The following PTPRR variants were observed in gnomAD, a reference collection of about 807,000 sequenced individuals.
PTPRR encodes receptor-type tyrosine-protein phosphatase R.
In PTPRR, 38 loss-of-function variants were observed where a neutral mutation model predicts 77.2. That is an observed-to-expected ratio of 0.49 (90% CI 0.38 to 0.65). The LOEUF (loss-of-function observed/expected upper bound fraction) is 0.65, where lower values mean the gene tolerates loss of function less well. PTPRR is among the 30% of genes least tolerant of loss of function. PTPRR has a pLI of 0.00. For synonymous variants in PTPRR, 299 were observed against 283.1 expected, an observed-to-expected ratio of 1.06 and a Z score of -0.57; for missense variants, 744 against 799.2, an observed-to-expected ratio of 0.93 and a Z score of 0.83.
At chr12:70,681,952 G>A (rs1887678676) in intron 10 of PTPRR, among the ~76,000 whole-genome samples, 1 of 147,850 alleles carries the variant, frequency 6.8e-6, no homozygotes, top group East Asian at 2.0e-4. Flanking sequence ...GAGCCTTTTC[G>A]TTTATACCAT....
intron 2 of PTPRR, among the ~76,000 whole-genome samples, chr12:70,821,212 G>GTTTT (rs1252907478): frequency 9.0e-5 from 4 of 44,568 alleles, no homozygotes; most frequent in Non-Finnish European, 2.1e-4. Context: ...AGGGATCACT[G>GTTTT]CTTTTTTTTT....
intron 2 of PTPRR, among the ~76,000 whole-genome samples, chr12:70,823,458 A>T (rs61932484): frequency 6.6e-6 from 1 of 152,220 alleles, no homozygotes; most frequent in African/African-American, 2.4e-5. Flanking sequence ...TCGAATTCTG[A>T]AACAGTGTCA....
chr12:70,842,986 A>G (rs1892422166), intron 2 of PTPRR, among the ~76,000 whole-genome samples: 2 of 152,234 alleles, frequency 1.3e-5, no homozygotes, highest in African/African-American at 4.8e-5. Flanking sequence ...CTACTTAGAT[A>G]TCTTAAGAAG....
At chr12:70,773,521 G>C (rs894818276) in intron 2 of PTPRR, among the ~76,000 whole-genome samples, 2 of 152,152 alleles carry the variant, frequency 1.3e-5, no homozygotes, top group African/African-American at 4.8e-5. Flanking sequence ...GGCTGGGAAG[G>C]TCCATTAGAA....
chr12:70,686,524 G>A (rs1295375064), intron 8 of PTPRR, among the ~76,000 whole-genome samples: 1 of 152,146 alleles, frequency 6.6e-6, no homozygotes, highest in East Asian at 1.9e-4. Context: ...CTCTCATCTT[G>A]AATGTGGGCA....
At chr12:70,651,826 G>A (rs1566043512) in intron 13 of PTPRR, among the ~76,000 whole-genome samples, 1 of 151,828 alleles carries the variant, frequency 6.6e-6, no homozygotes, top group East Asian at 1.9e-4. Context: ...GATTCCAATA[G>A]GTCCATTTTG....
At chr12:70,863,856 C>A (rs1042051969) in intron 2 of PTPRR, among the ~76,000 whole-genome samples, 4 of 152,122 alleles carry the variant, frequency 2.6e-5, no homozygotes, top group African/African-American at 9.7e-5. Flanking sequence ...GTGCCCAAAG[C>A]GAAACTCTTG....
intron 2 of PTPRR, among the ~76,000 whole-genome samples, chr12:70,829,072 G>A (rs1892165746): frequency 6.6e-6 from 1 of 151,910 alleles, no homozygotes; most frequent in African/African-American, 2.4e-5. Context: ...ACATGCATAG[G>A]GAACTATGGA....
intron 2 of PTPRR, among the ~76,000 whole-genome samples, chr12:70,767,996 C>T (rs1310547470): frequency 6.6e-6 from 1 of 152,038 alleles, no homozygotes; most frequent in Non-Finnish European, 1.5e-5. Flanking sequence ...ACCAGAATCT[C>T]TGGGACACAT....
At chr12:70,811,454 C>A (rs2137031033) in intron 2 of PTPRR, among the ~76,000 whole-genome samples, 1 of 152,226 alleles carries the variant, frequency 6.6e-6, no homozygotes, top group South Asian at 2.1e-4. Context: ...AAACTGCCTG[C>A]AAAAGGTTCA....
In PTPRR at chr12:70,761,527, T is replaced by C. The variant is rs1454590364; in HGVS notation, c.571A>G (p.Ile191Val). ...GATAAACTTTGATGCAAAACATTGA[T>C]ATTAAGTGAACGAAGAACTTCCTCA... ...PSEEVLRSLN[I>V]NVLHQSLSQF... Residue 191 changes from isoleucine (I) to valine (V), a missense_variant, in exon 4 of 14, where the codon ATC becomes GTC. By Grantham distance (29) the Ile-to-Val change is conservative. This residue lies in a region of PTPRR where 570 missense variants were observed against 573.2 expected (regional missense o/e 0.99). Coordinates refer to ENST00000283228, the MANE Select transcript of PTPRR (RefSeq NM_002849.4). 4 of 1,612,368 alleles carry C rather than the reference T, an allele frequency of 2.5e-6. No individual in the cohort carries two copies. The highest frequency in any genetic ancestry group is 1.1e-5 in the South Asian group (1 of 90,706).
At chr12:70,834,083 C>T (rs745908517) in intron 2 of PTPRR, among the ~76,000 whole-genome samples, 9 of 152,108 alleles carry the variant, frequency 5.9e-5, no homozygotes, top group Non-Finnish European at 1.2e-4. Flanking sequence ...CTGAAAATAT[C>T]GCTTAGCACT....
intron 2 of PTPRR, among the ~76,000 whole-genome samples, chr12:70,810,445 G>A (rs1367886468): frequency 6.6e-6 from 1 of 152,054 alleles, no homozygotes; most frequent in Non-Finnish European, 1.5e-5. Context: ...TCATTTTCTA[G>A]GTACACGCAA....
chr12:70,787,735 A>G (rs998867465), intron 2 of PTPRR, among the ~76,000 whole-genome samples: 1 of 152,192 alleles, frequency 6.6e-6, no homozygotes. Context: ...TGTGGGAAAC[A>G]GAGCTTGACT....
Position 70,731,256 on chromosome 12 carries a change from A to C in PTPRR, c.1007+14562T>G, listed in dbSNP as rs539505513. Among the ~76,000 whole-genome samples, 13 of 152,350 alleles carry C rather than the reference A, an allele frequency of 8.5e-5. No homozygotes were observed. The East Asian group carries it at 2.5e-3, about 29-fold the overall frequency. The stretch of plus-strand genomic sequence containing the variant: ...ATTATAATGATTACCTGGATCAAAA[A>C]TTTGGATGGAAGAAAAATCCCTCCC... On this transcript the variant is annotated intron_variant, in intron 6 of 13. Transcript: ENST00000283228.
chr12:70,698,242 A>C, intron 8 of PTPRR, 23 bp downstream of exon 8: 1 of 1,603,088 alleles, frequency 6.2e-7, no homozygotes, highest in Non-Finnish European at 8.5e-7. Flanking sequence ...ATACAATGCA[A>C]ATTATAAAAT....
chr12:70,709,115 G>A (rs1437144871), intron 6 of PTPRR, among the ~76,000 whole-genome samples: 1 of 151,976 alleles, frequency 6.6e-6, no homozygotes. Flanking sequence ...ACATCAAAAA[G>A]CTTACCCACT....
intron 12 of PTPRR, among the ~76,000 whole-genome samples, chr12:70,660,685 A>G (rs1357026618): frequency 2.0e-5 from 3 of 152,218 alleles, no homozygotes; most frequent in Non-Finnish European, 1.5e-5. Flanking sequence ...TCTCCTGTTC[A>G]CTGAGCCATT....
At chr12:70,724,388 A>C (rs1889362357) in intron 6 of PTPRR, among the ~76,000 whole-genome samples, 1 of 152,156 alleles carries the variant, frequency 6.6e-6, no homozygotes, top group African/African-American at 2.4e-5. Flanking sequence ...TAAAATGGGG[A>C]TACAACTTGT....
Sources: allele counts gnomAD v4.1 joint callset (sites outside exome capture counted in the v4.1 genomes callset), GRCh38; gene constraint gnomAD v4.1.1; regional missense constraint gnomAD v4.1.1; transcripts MANE v1.5; gene names NCBI Gene and HGNC (gene_info 2026-07-23, HGNC 2026-07-21).